Variants in PALM observed in about 807,000 individuals in gnomAD.
The protein encoded by PALM is paralemmin, also known as paralemmin-1.
PALM carries 18 observed loss-of-function variants against 30.7 expected under a neutral mutation model. The observed-to-expected ratio is 0.59, with a 90% confidence interval of 0.41 to 0.87. The LOEUF (loss-of-function observed/expected upper bound fraction) is 0.87, where lower values mean the gene tolerates loss of function less well. Among genes scored for constraint, PALM ranks in the 40% least tolerant of loss-of-function variants. PALM has a pLI of 0.00. For missense variants in PALM, 529 were observed against 555.4 expected, an observed-to-expected ratio of 0.95 and a Z score of 0.48; for synonymous variants, 286 against 242.8, an observed-to-expected ratio of 1.18 and a Z score of -1.66.
chr19:712,465 C>G (rs1036882716), intron 1 of PALM, among the ~76,000 whole-genome samples: 4 of 151,780 alleles, frequency 2.6e-5, no homozygotes, highest in African/African-American at 4.8e-5. Context: ...CTCACTGCAA[C>G]CTCTGCCTCC....
At position 718,626 on chromosome 19, in the gene PALM, G is replaced by A. The variant is rs185863184; in HGVS notation, c.6-7512G>A. 9.9e-5 allele frequency among the ~76,000 whole-genome samples: 15 copies of A among 152,094 alleles called. No homozygotes were observed. In the East Asian group the frequency reaches 1.4e-3, roughly 14 times the overall value. On this transcript the variant is annotated intron_variant, in intron 1 of 8. Coordinates refer to ENST00000338448, the MANE Select transcript of PALM (RefSeq NM_002579.3). ...TGACCTCCGTCTTCTCCTCTCCCCC[G>A]GGGTGATGCCTCTCTGCCGTAACCC...
intron 1 of PALM, among the ~76,000 whole-genome samples, chr19:714,291 C>T (rs1423569128): frequency 3.3e-5 from 5 of 151,770 alleles, no homozygotes; most frequent in African/African-American, 4.8e-5. Context: ...CCGCCCACCT[C>T]GGCTTCCCAA....
chr19:736,138 G>A lies in PALM; in HGVS notation c.502+60G>A. The A allele has an allele frequency of 2.3e-6, 3 of 1,291,762 alleles. No homozygotes were observed. In the South Asian group the frequency reaches 3.7e-5, roughly 16 times the overall value. 80.0% of individuals were successfully genotyped at this position (1,291,762 alleles called of 1,614,324 possible). On this transcript the variant is annotated intron_variant, in intron 7 of 8. Coordinates refer to ENST00000338448, the MANE Select transcript of PALM (RefSeq NM_002579.3). ...AGCCGCTGTCAGGGACCAAGTCTCG[G>A]TCCGGGGGGCCGGGTGGGGCGGGGG...
chr19:719,755 C>T (rs974152653), intron 1 of PALM: 6 of 514,782 alleles, frequency 1.2e-5, no homozygotes, highest in Admixed American at 1.3e-4. Flanking sequence ...GAGACTCCCC[C>T]GCGCCTGGCG....
chr19:741,504 AGGGGTGAGGGGAGAC>A (rs138206117), intron 8 of PALM, among the ~76,000 whole-genome samples: 37,924 of 40,892 alleles, frequency 0.93, 17,987 homozygotes, highest in East Asian at 0.99. Flanking sequence ...GCTGGGCTGC[AGGGGTGAGGGGAGAC>A]GGGGTGAGGG....
At chr19:734,357 C>T (rs1449120685) in intron 6 of PALM, 163 bp downstream of exon 6, 12 of 636,714 alleles carry the variant, frequency 1.9e-5, no homozygotes, top group Admixed American at 5.7e-5. Flanking sequence ...GTCAGGAGTT[C>T]GAGACCAGCC....
At position 727,000 on chromosome 19, in the gene PALM, C is replaced by T. The variant is rs1599148802; in HGVS notation, c.58-8C>T. On this transcript the variant is annotated splice_region_variant and splice_polypyrimidine_tract_variant and intron_variant, in intron 2 of 8. Coordinates refer to ENST00000338448, the MANE Select transcript of PALM (RefSeq NM_002579.3). ...CCCATCCCTGACCCCACCCGGCCCT[C>T]CCCACAGGAGAAGCGGAAGCGGCAG... is the stretch of plus-strand genomic sequence containing the variant. 1 of 1,446,502 alleles carries T rather than the reference C, an allele frequency of 6.9e-7. No individual in the cohort carries two copies. The highest frequency in any genetic ancestry group is 9.5e-7 in the Non-Finnish European group (1 of 1,055,346). 89.6% of individuals were successfully genotyped at this position (1,446,502 alleles called of 1,614,324 possible).
chr19:726,958 T>TGGGGTTGGGGGGGGGGGGGGGGGG, intron 2 of PALM, 50 bp from the exon 3 acceptor site: 1 of 1,044,084 alleles, frequency 9.6e-7, no homozygotes. Context: ...GGTGGGGGGG[T>TGGGGTTGGGGGGGGGGGGGGGGGG]CTCCGGGACC....
intron 1 of PALM, among the ~76,000 whole-genome samples, chr19:722,130 G>A (rs1481215118): frequency 6.6e-6 from 1 of 151,128 alleles, no homozygotes; most frequent in Non-Finnish European, 1.5e-5. Context: ...GTGTTAGCCA[G>A]GATGGTCTCG....
In PALM at chr19:742,466, G is replaced by A. The variant is rs886678742; in HGVS notation, c.634+1983G>A. Reference sequence around the variant, plus strand: ...CTAAAAATACAAAAATTAGCTGGACGTGGTGGCGGACGCCTGTAATCCCAG... The same window carrying A: ...CTAAAAATACAAAAATTAGCTGGACATGGTGGCGGACGCCTGTAATCCCAG... On this transcript the variant is annotated intron_variant, in intron 8 of 8. Transcript: ENST00000338448. The surrounding 1 kb of genome is among the most constrained non-coding windows in gnomAD (Gnocchi z 5.5). Among the ~76,000 whole-genome samples, 23 of 152,148 alleles carry A rather than the reference G, an allele frequency of 1.5e-4. No individual in the cohort carries two copies. The highest frequency in any genetic ancestry group is 2.9e-4 in the Non-Finnish European group (20 of 68,034).
intron 2 of PALM, 27 bp downstream of exon 2, chr19:726,216 T>C (rs765301338): frequency 6.2e-7 from 1 of 1,608,866 alleles, no homozygotes; most frequent in Non-Finnish European, 8.5e-7. Context: ...CCGCAGACGG[T>C]GTGGTCAGGG....
In PALM at chr19:740,360, T is replaced by G; in HGVS notation, c.511T>G (p.Ser171Ala). 3 of 1,565,636 alleles carry G rather than the reference T, an allele frequency of 1.9e-6. No individual in the cohort carries two copies. Among genetic ancestry groups the G allele is most frequent in the Non-Finnish European group, 2.6e-6 (3 of 1,154,714 alleles). Residue 171 changes from serine to alanine, a missense_variant, in exon 8 of 9, where the codon TCG becomes GCG. Physicochemically the swap from Ser to Ala is moderately conservative, Grantham distance 99. Coordinates refer to ENST00000338448, the MANE Select transcript of PALM (RefSeq NM_002579.3). ...GSPMMKAAMY[S>A]VEITVEKDKV... is the part of the protein sequence containing the mutation. ...CGTGACTCTCGTGCCAGCCATGTAC[T>G]CGGTTGAGATCACTGTGGAGAAGGA... is the stretch of plus-strand genomic sequence containing the variant.
chr19:742,377 G>T lies in PALM; in HGVS notation c.634+1894G>T, dbSNP rs1298033311. On this transcript the variant is annotated intron_variant, in intron 8 of 8. Coordinates refer to ENST00000338448, the MANE Select transcript of PALM (RefSeq NM_002579.3). This position sits in a 1 kb window ranked among gnomAD's most constrained non-coding sequence, Gnocchi z 5.5. The stretch of plus-strand genomic sequence containing the variant: ...CCCGGCACTTTGGGAGGCCGAGGCG[G>T]GTGGATCACCTGAGGTCAGGAGTTC... 3.3e-5 allele frequency among the ~76,000 whole-genome samples: 5 copies of T among 152,122 alleles called. No individual in the cohort carries two copies. Among genetic ancestry groups the T allele is most frequent in the Non-Finnish European group, 5.9e-5 (4 of 68,016 alleles).
At chr19:712,293 G>A (rs529058326) in intron 1 of PALM, among the ~76,000 whole-genome samples, 1 of 152,020 alleles carries the variant, frequency 6.6e-6, no homozygotes, top group Non-Finnish European at 1.5e-5. Context: ...CAAAGTGTTG[G>A]GATGAAAGGC....
At chr19:744,399 CA>C (rs59707820) in intron 8 of PALM, among the ~76,000 whole-genome samples, 4,078 of 126,578 alleles carry the variant, frequency 0.032, 185 homozygotes, top group African/African-American at 0.12. Context: ...GACTCCATCT[CA>C]AAAAAAAAAA....
At chr19:734,294 TCA>T (rs751455872) in intron 6 of PALM, 100 bp downstream of exon 6, 124 of 1,157,396 alleles carry the variant, frequency 1.1e-4, no homozygotes, top group Non-Finnish European at 1.4e-4. Context: ...GCTCGGTGCC[TCA>T]CGCCTGTGAT....
At chr19:722,154 G>A (rs536718372) in intron 1 of PALM, among the ~76,000 whole-genome samples, 64 of 150,012 alleles carry the variant, frequency 4.3e-4, no homozygotes, top group African/African-American at 9.8e-4. Context: ...TCCTGACCTC[G>A]TGATCCGCCC....
At chr19:720,491 G>A (rs1327626665) in intron 1 of PALM, among the ~76,000 whole-genome samples, 2 of 143,554 alleles carry the variant, frequency 1.4e-5, no homozygotes, top group South Asian at 2.3e-4. Flanking sequence ...GGGGGCGCCC[G>A]GGCCTGGGGA....
chr19:738,145 C>T (rs931184787), intron 7 of PALM, among the ~76,000 whole-genome samples: 1 of 152,042 alleles, frequency 6.6e-6, no homozygotes, highest in Non-Finnish European at 1.5e-5. Flanking sequence ...AATCCCAGCA[C>T]CTTTGGAGGC....
Sources: gnomAD v4.1 joint callset for allele counts (sites outside exome capture counted in the v4.1 genomes callset) on GRCh38, gnomAD v4.1.1 for gene constraint, Gnocchi (gnomAD v3.1) non-coding constraint, MANE v1.5 for transcripts, NCBI Gene and HGNC (gene_info 2026-07-23, HGNC 2026-07-21) for gene names.